Variants in SGPL1 observed in about 807,000 individuals in gnomAD.
The protein encoded by SGPL1 is sphingosine-1-phosphate lyase 1, also known as SP-lyase 1.
A neutral mutation model predicts 68.9 loss-of-function variants in SGPL1; 37 were observed. That is an observed-to-expected ratio of 0.54 (90% confidence interval 0.41 to 0.71). The LOEUF (loss-of-function observed/expected upper bound fraction) is 0.71, where lower values mean the gene tolerates loss of function less well. Ranked by LOEUF, SGPL1 falls within the 30% of genes least tolerant of loss-of-function variation. The pLI, the probability that SGPL1 is intolerant of heterozygous loss-of-function variation, is 0.00. For synonymous variants in SGPL1, 236 were observed against 248.5 expected, an observed-to-expected ratio of 0.95 and a Z score of 0.47; for missense variants, 551 against 704.6, an observed-to-expected ratio of 0.78 and a Z score of 2.47.
chr10:70,868,228 T>G (rs1295043238), intron 7 of SGPL1, 117 bp from the exon 8 acceptor site: 2 of 752,044 alleles, frequency 2.7e-6, no homozygotes, highest in African/African-American at 3.6e-5. Flanking sequence ...AGTGTCTGCC[T>G]TGCAGCATGC....
At chr10:70,857,748 CT>C in intron 6 of SGPL1, 58 bp downstream of exon 6, 29 of 1,061,688 alleles carry the variant, frequency 2.7e-5, no homozygotes, top group Admixed American at 5.1e-5. Context: ...ACATGACCTC[CT>C]TTTTTTCCCT....
chr10:70,868,933 G>A (rs1346253485), intron 8 of SGPL1, among the ~76,000 whole-genome samples: 4 of 152,144 alleles, frequency 2.6e-5, no homozygotes, highest in Admixed American at 6.5e-5. Flanking sequence ...GCCTTCCTTG[G>A]ACATAAATTT....
Position 70,877,511 on chromosome 10 carries a change from G to T in SGPL1, c.*176G>T. Reference sequence around the variant, plus strand: ...TTCTTCCTCTTATCTTCCTTTTGTGGTTTTTAATTTGAAGACCCCAGAGAA... The same window carrying T: ...TTCTTCCTCTTATCTTCCTTTTGTGTTTTTTAATTTGAAGACCCCAGAGAA... On this transcript the variant is annotated 3_prime_UTR_variant, in exon 15 of 15. Coordinates refer to ENST00000373202, the MANE Select transcript of SGPL1 (RefSeq NM_003901.4). The T allele has an allele frequency of 1.8e-6, 1 of 553,718 alleles. No homozygotes were observed. The highest frequency in any genetic ancestry group is 3.4e-5 in the South Asian group (1 of 29,184). 34.3% of individuals were successfully genotyped at this position (553,718 alleles called of 1,614,324 possible). A position where few individuals can be genotyped will look rare whatever the true frequency, so the allele number is the denominator to read the frequency against.
At chr10:70,862,295 G>A (rs1331309939) in intron 7 of SGPL1, among the ~76,000 whole-genome samples, 3 of 152,158 alleles carry the variant, frequency 2.0e-5, no homozygotes, top group African/African-American at 7.2e-5. Flanking sequence ...TGCTCTGGTG[G>A]GGGCTTGGAG....
intron 2 of SGPL1, among the ~76,000 whole-genome samples, chr10:70,829,207 A>G (rs1382837938): frequency 6.6e-6 from 1 of 152,240 alleles, no homozygotes; most frequent in Non-Finnish European, 1.5e-5. Context: ...ATCTTGTTGT[A>G]TAGGTAGGCC....
chr10:70,850,171 A>G (rs942066091), intron 3 of SGPL1, among the ~76,000 whole-genome samples: 3 of 152,036 alleles, frequency 2.0e-5, no homozygotes, highest in Admixed American at 2.0e-4. Flanking sequence ...GGCATCTGTG[A>G]TTTTTCAAAC....
rs752663825 is a variant in SGPL1, at chr10:70,877,277, A to G, written c.1649A>G (p.Tyr550Cys). 1 of 1,614,200 alleles carries G rather than the reference A, an allele frequency of 6.2e-7. No homozygotes were observed. Among genetic ancestry groups the G allele is most frequent in the East Asian group, 2.2e-5 (1 of 44,882 alleles). ...TCCTCAGTCTTCTTGGACAGCTTGTACAGCACCGACACTGTCACCCAGGGC... is the reference window on the plus strand; with the variant it reads ...TCCTCAGTCTTCTTGGACAGCTTGTGCAGCACCGACACTGTCACCCAGGGC... ...ELSSVFLDSLYSTDTVTQGSQ... is the reference protein window; with the variant it reads ...ELSSVFLDSLCSTDTVTQGSQ... The change falls in exon 15 of 15, where the codon TAC (tyrosine) becomes TGC (cysteine). Residue 550 changes from tyrosine to cysteine, a missense_variant. By Grantham distance (194) the Tyr-to-Cys change is radical (BLOSUM62 -2). Transcript: ENST00000373202.
chr10:70,829,166 C>T (rs545736349), intron 2 of SGPL1, among the ~76,000 whole-genome samples: 1 of 152,156 alleles, frequency 6.6e-6, no homozygotes, highest in East Asian at 1.9e-4. Flanking sequence ...CACAGGTTTA[C>T]GATCTGTAAA....
chr10:70,862,548 CAATA>C (rs1440760035), intron 7 of SGPL1, among the ~76,000 whole-genome samples: 1 of 152,150 alleles, frequency 6.6e-6, no homozygotes, highest in African/African-American at 2.4e-5. Context: ...TCGCTCTTTG[CAATA>C]AATCTTGCTA....
At position 70,847,904 on chromosome 10, in the gene SGPL1, C is replaced by A. The variant is rs544086965; in HGVS notation, c.194-3239C>A. 5.0e-4 allele frequency among the ~76,000 whole-genome samples: 76 copies of A among 152,296 alleles called. No individual in the cohort carries two copies. The South Asian group carries it at 0.016, about 31-fold the overall frequency. On this transcript the variant is annotated intron_variant, in intron 3 of 14. Transcript: ENST00000373202. Reference sequence around the variant, plus strand: ...TTTTGCTGATCTTCCAACACTGAATCCCTCTTGAGGGAAGAGAGTATTTCT... The same window carrying A: ...TTTTGCTGATCTTCCAACACTGAATACCTCTTGAGGGAAGAGAGTATTTCT...
At chr10:70,817,821 T>G (rs1845263435) in intron 2 of SGPL1, among the ~76,000 whole-genome samples, 1 of 152,234 alleles carries the variant, frequency 6.6e-6, no homozygotes. Context: ...GAATATAGTA[T>G]GTGCTTAACA....
rs1267391328 is a variant in SGPL1, at chr10:70,879,836, T to TACC, written c.*2501_*2502insACC. ...TATAGCAGCTACTCTGTAGCAGAGG[T>TACC]GGGTAGAGACACTTAATAGTATCAT... On this transcript the variant is annotated 3_prime_UTR_variant, in exon 15 of 15. Transcript: ENST00000373202. 6.6e-6 allele frequency: 1 copy of TACC among 152,586 alleles called. No homozygotes were observed. Among genetic ancestry groups the TACC allele is most frequent in the East Asian group, 1.9e-4 (1 of 5,204 alleles). The allele number at this position is 152,586 out of a possible 1,614,324, so 9.5% of individuals were successfully genotyped here. A position where few individuals can be genotyped will look rare whatever the true frequency, so the allele number is the denominator to read the frequency against.
At chr10:70,818,389 G>C (rs971291240) in intron 2 of SGPL1, among the ~76,000 whole-genome samples, 6 of 152,160 alleles carry the variant, frequency 3.9e-5, no homozygotes, top group Non-Finnish European at 1.5e-5. Context: ...CAAAGTGCTG[G>C]GATTACTTAC....
chr10:70,839,297 T>G (rs1277829189), intron 2 of SGPL1, among the ~76,000 whole-genome samples: 1 of 151,422 alleles, frequency 6.6e-6, no homozygotes, highest in African/African-American at 2.4e-5. Flanking sequence ...GTTTGTTTTT[T>G]TCTTTAATGT....
intron 12 of SGPL1, among the ~76,000 whole-genome samples, 154 bp from the exon 13 acceptor site, chr10:70,875,248 C>T (rs1846365207): frequency 6.6e-6 from 1 of 152,114 alleles, no homozygotes; most frequent in African/African-American, 2.4e-5. Context: ...TCCAGTGTAG[C>T]CCTCTTCTTT....
chr10:70,869,790 A>G lies in SGPL1; in HGVS notation c.705-2A>G. On this transcript the variant is annotated splice_acceptor_variant, in intron 8 of 14. Transcript: ENST00000373202. LOFTEE classifies it high-confidence loss of function. ...ATTATTCTCCTCTTCCCTGTCATTT[A>G]GTGTGGCTCCCCAAAGTGCCCATGC... 1.2e-6 allele frequency: 2 copies of G among 1,612,896 alleles called. No individual in the cohort carries two copies. The highest frequency in any genetic ancestry group is 1.7e-6 in the Non-Finnish European group (2 of 1,179,074).
At chr10:70,817,703 C>G (rs546226692) in intron 2 of SGPL1, among the ~76,000 whole-genome samples, 1 of 152,328 alleles carries the variant, frequency 6.6e-6, no homozygotes, top group African/African-American at 2.4e-5. Context: ...CTGCCATATA[C>G]TAGTTTATCT....
intron 13 of SGPL1, 150 bp downstream of exon 13, chr10:70,875,698 TGGAATTATTAGATACAAA>T (rs1846372778): frequency 1.7e-6 from 1 of 576,626 alleles, no homozygotes; most frequent in African/African-American, 1.9e-5. Flanking sequence ...TCTTGCCACC[TGGAATTATTAGATACAAA>T]GAACAAGACC....
intron 2 of SGPL1, among the ~76,000 whole-genome samples, chr10:70,817,863 A>G (rs1020252647): frequency 2.6e-5 from 4 of 152,202 alleles, no homozygotes; most frequent in African/African-American, 9.6e-5. Context: ...GTATGAATTT[A>G]AGTTCTTTTG....
Sources: gnomAD v4.1 joint callset for allele counts (sites outside exome capture counted in the v4.1 genomes callset) on GRCh38, gnomAD v4.1.1 for gene constraint, MANE v1.5 for transcripts, NCBI Gene and HGNC (gene_info 2026-07-23, HGNC 2026-07-21) for gene names.